Variants in NKAIN2 observed in about 807,000 individuals in gnomAD.
The protein encoded by NKAIN2 is sodium/potassium-transporting ATPase subunit beta-1-interacting protein 2.
Under a neutral mutation model 32.6 loss-of-function variants are expected in NKAIN2, and 14 were observed. The observed-to-expected ratio is 0.43, with a 90% CI of 0.28 to 0.67. The LOEUF (loss-of-function observed/expected upper bound fraction) is 0.67, where lower values mean the gene tolerates loss of function less well. NKAIN2 is among the 30% of genes least tolerant of loss of function. NKAIN2 has a pLI of 0.17. For missense variants in NKAIN2, 198 were observed against 258.3 expected (o/e 0.77, Z 1.60); for synonymous variants, 80 against 87.2 (o/e 0.92, Z 0.46).
chr6:124,117,949 T>C (rs1016357038), intron 1 of NKAIN2, among the ~76,000 whole-genome samples: 6 of 151,648 alleles, frequency 4.0e-5, no homozygotes, highest in Admixed American at 6.6e-5. Context: ...TTAGGAGGTT[T>C]GCTAACTAAA....
intron 3 of NKAIN2, among the ~76,000 whole-genome samples, chr6:124,433,787 A>G (rs926598199): frequency 1.3e-5 from 2 of 152,158 alleles, no homozygotes; most frequent in Non-Finnish European, 2.9e-5. Context: ...GTGAAACAGC[A>G]TTAGTTTTCT....
intron 3 of NKAIN2, among the ~76,000 whole-genome samples, chr6:124,379,503 T>G (rs1800166512): frequency 6.6e-6 from 1 of 152,042 alleles, no homozygotes; most frequent in South Asian, 2.1e-4. Context: ...ATAGTGCAAG[T>G]GCTTTCTTTT....
At chr6:124,336,680 TTG>T (rs1288696224) in intron 2 of NKAIN2, among the ~76,000 whole-genome samples, 5 of 130,616 alleles carry the variant, frequency 3.8e-5, no homozygotes, top group Non-Finnish European at 8.3e-5. Flanking sequence ...TTTTTTTTGT[TTG>T]TTTTTTTTTT....
At chr6:124,713,274 G>A (rs1032481008) in intron 4 of NKAIN2, among the ~76,000 whole-genome samples, 2 of 152,006 alleles carry the variant, frequency 1.3e-5, no homozygotes, top group African/African-American at 4.8e-5. Flanking sequence ...GCAAATATTC[G>A]AATCCATAAA....
chr6:124,448,467 T>G (rs1207781191), intron 3 of NKAIN2, among the ~76,000 whole-genome samples: 1 of 152,166 alleles, frequency 6.6e-6, no homozygotes, highest in Non-Finnish European at 1.5e-5. Context: ...AGCAGCTTCC[T>G]GCTTCTTGCC....
intron 3 of NKAIN2, among the ~76,000 whole-genome samples, chr6:124,357,255 G>A (rs1799026791): frequency 6.6e-6 from 1 of 151,894 alleles, no homozygotes; most frequent in Non-Finnish European, 1.5e-5. Context: ...AACCATAAAG[G>A]GCAAAGTTAT....
intron 3 of NKAIN2, among the ~76,000 whole-genome samples, chr6:124,583,014 T>C (rs1583473275): frequency 2.0e-5 from 3 of 152,118 alleles, no homozygotes; most frequent in South Asian, 2.1e-4. Flanking sequence ...GCTAGTATCA[T>C]ACTGAATGGG....
chr6:124,098,476 T>G (rs73563164), intron 1 of NKAIN2, among the ~76,000 whole-genome samples: 1 of 152,160 alleles, frequency 6.6e-6, no homozygotes, highest in African/African-American at 2.4e-5. Context: ...ATACATTTCA[T>G]TGGTTTCACA....
chr6:123,874,586 C>G (rs1773074729), intron 1 of NKAIN2, among the ~76,000 whole-genome samples: 1 of 151,840 alleles, frequency 6.6e-6, no homozygotes, highest in Non-Finnish European at 1.5e-5. Flanking sequence ...CCTTAGAAAA[C>G]AAAATACTAA....
chr6:124,365,990 T>TA (rs1799499917), intron 3 of NKAIN2, among the ~76,000 whole-genome samples: 1 of 151,892 alleles, frequency 6.6e-6, no homozygotes, highest in Non-Finnish European at 1.5e-5. Context: ...CAGAAATGCT[T>TA]AGAGGAAAAA....
At chr6:124,219,020 TC>T in intron 1 of NKAIN2, among the ~76,000 whole-genome samples, 1 of 151,962 alleles carries the variant, frequency 6.6e-6, no homozygotes, top group East Asian at 1.9e-4. Flanking sequence ...AGAAGGAACT[TC>T]CAAACGCTTA....
At chr6:124,479,918 CA>C (rs1281645550) in intron 3 of NKAIN2, among the ~76,000 whole-genome samples, 1 of 151,968 alleles carries the variant, frequency 6.6e-6, no homozygotes, top group Non-Finnish European at 1.5e-5. Flanking sequence ...CATTAAAAAA[CA>C]AAGACAAAAC....
chr6:123,810,399 G>C (rs1405651352), intron 1 of NKAIN2, among the ~76,000 whole-genome samples: 1 of 152,118 alleles, frequency 6.6e-6, no homozygotes, highest in Non-Finnish European at 1.5e-5. Context: ...GAGAGGTGGG[G>C]TTGATTGATG....
At chr6:124,729,465 T>C (rs1386600915) in intron 4 of NKAIN2, among the ~76,000 whole-genome samples, 1 of 151,758 alleles carries the variant, frequency 6.6e-6, no homozygotes, top group Non-Finnish European at 1.5e-5. Context: ...AACCACATGA[T>C]TATCTCAATA....
intron 3 of NKAIN2, among the ~76,000 whole-genome samples, chr6:124,546,722 T>C (rs1490472990): frequency 6.6e-6 from 1 of 152,164 alleles, no homozygotes; most frequent in Non-Finnish European, 1.5e-5. Flanking sequence ...GAAGGACTTA[T>C]TATAACTCAA....
At chr6:124,058,916 A>G (rs780893512) in intron 1 of NKAIN2, among the ~76,000 whole-genome samples, 3 of 152,004 alleles carry the variant, frequency 2.0e-5, no homozygotes, top group Non-Finnish European at 4.4e-5. Context: ...GTTCCTTTAC[A>G]GGAAAAGTTT....
chr6:124,507,256 T>C (rs1009535231), intron 3 of NKAIN2, among the ~76,000 whole-genome samples: 7 of 152,136 alleles, frequency 4.6e-5, no homozygotes, highest in Middle Eastern at 3.2e-3. Context: ...AAATTTGCAT[T>C]TGTAGTCTAT....
At chr6:123,983,784 T>G (rs1397198) in intron 1 of NKAIN2, among the ~76,000 whole-genome samples, 51,666 of 151,912 alleles carry the variant, frequency 0.34, 9,149 homozygotes, top group Admixed American at 0.47. Context: ...GTTTAGAATA[T>G]TCTCTTATAA....
intron 4 of NKAIN2, among the ~76,000 whole-genome samples, chr6:124,691,964 G>A (rs1774277547): frequency 6.6e-6 from 1 of 152,124 alleles, no homozygotes; most frequent in African/African-American, 2.4e-5. Context: ...ATTTCTTCAT[G>A]ATCATCAAAT....
Sources: gnomAD v4.1 joint callset for allele counts (sites outside exome capture counted in the v4.1 genomes callset) on GRCh38, gnomAD v4.1.1 for gene constraint, MANE v1.5 for transcripts, NCBI Gene and HGNC (gene_info 2026-07-23, HGNC 2026-07-21) for gene names.